The following BMP8A variants were observed in gnomAD, a reference collection of about 807,000 sequenced individuals.
BMP8A encodes bone morphogenetic protein 8a, also known as BMP-8A.
Under a neutral mutation model 36.8 loss-of-function variants are expected in BMP8A, and 14 were observed. The ratio of observed to expected loss-of-function variants is 0.38; its 90% confidence interval spans 0.25 to 0.60. The LOEUF (loss-of-function observed/expected upper bound fraction) is 0.60. Ranked by LOEUF, BMP8A falls within the 20% of genes least tolerant of loss-of-function variation. The pLI, the probability that BMP8A is intolerant of heterozygous loss-of-function variation, is 0.63. For synonymous variants in BMP8A, 120 were observed against 237.7 expected, an observed-to-expected ratio of 0.50 and a Z score of 4.55; for missense variants, 267 against 551.1, an observed-to-expected ratio of 0.48 and a Z score of 5.16.
intron 1 of BMP8A, among the ~76,000 whole-genome samples, chr1:39,499,634 A>G (rs1462213846): frequency 6.6e-6 from 1 of 152,238 alleles, no homozygotes; most frequent in Non-Finnish European, 1.5e-5. Flanking sequence ...TCCTGCCCAC[A>G]GTGGCCTTTC....
At chr1:39,523,176 T>A in intron 6 of BMP8A, 59 bp downstream of exon 6, 1 of 1,583,936 alleles carries the variant, frequency 6.3e-7, no homozygotes, top group Non-Finnish European at 8.7e-7. Flanking sequence ...CAGAGAGGGG[T>A]CTGGTCCAGC....
At position 39,525,511 on chromosome 1, in the gene BMP8A, A is replaced by AATT. The variant is rs1227108907; in HGVS notation, c.1060-137_1060-135dup. The AATT allele has an allele frequency of 1.6e-5, 20 of 1,216,300 alleles. 1 individual carries two copies. Among genetic ancestry groups the AATT allele is most frequent in the African/African-American group, 1.4e-4 (9 of 65,540 alleles). The allele number at this position is 1,216,300 out of a possible 1,614,324, so 75.3% of individuals were successfully genotyped here. A position where few individuals can be genotyped will look rare whatever the true frequency, so the allele number is the denominator to read the frequency against. On this transcript the variant is annotated intron_variant, in intron 6 of 6. Transcript: ENST00000331593. ...CAGGGCTGCTCTTATTCCTGTTAAT[A>AATT]ATTCTTATTATTGTGCTGCTCCCAT...
chr1:39,498,299 G>A (rs993278368), intron 1 of BMP8A, among the ~76,000 whole-genome samples: 2 of 152,192 alleles, frequency 1.3e-5, no homozygotes, highest in African/African-American at 4.8e-5. Context: ...CTTTCCCACA[G>A]GCAAGAGAGG....
chr1:39,499,985 C>T (rs996930283), intron 1 of BMP8A, among the ~76,000 whole-genome samples: 1 of 152,194 alleles, frequency 6.6e-6, no homozygotes, highest in African/African-American at 2.4e-5. Context: ...TCCCAAGTCA[C>T]AGGGCTTCTT....
At chr1:39,513,827 AAG>A (rs1165686242) in intron 3 of BMP8A, among the ~76,000 whole-genome samples, 3 of 149,892 alleles carry the variant, frequency 2.0e-5, no homozygotes, top group Non-Finnish European at 4.5e-5. Context: ...ATGGAGAAGA[AAG>A]AGGGCCTGGC....
chr1:39,503,418 A>G (rs1328360046), intron 1 of BMP8A, among the ~76,000 whole-genome samples: 1 of 151,994 alleles, frequency 6.6e-6, no homozygotes, highest in African/African-American at 2.4e-5. Flanking sequence ...GTGAGCCAAG[A>G]GTTCAAGACC....
rs1276213547 is a variant in BMP8A at position 39,529,771 on chromosome 1, A to C, written c.*3973A>C. On this transcript the variant is annotated 3_prime_UTR_variant, in exon 7 of 7. Transcript: ENST00000331593. Reference sequence around the variant, plus strand: ...TATATGACATATGGATATTTTACAAAGTTAGGATCCTACTCTATGCACTGC... The same window carrying C: ...TATATGACATATGGATATTTTACAACGTTAGGATCCTACTCTATGCACTGC... Among the ~76,000 whole-genome samples, 1 of 152,236 alleles carries C rather than the reference A, an allele frequency of 6.6e-6. No individual in the cohort carries two copies. The highest frequency in any genetic ancestry group is 1.5e-5 in the Non-Finnish European group (1 of 68,044).
intron 1 of BMP8A, among the ~76,000 whole-genome samples, chr1:39,496,567 A>G (rs529210301): frequency 6.6e-6 from 1 of 152,296 alleles, no homozygotes; most frequent in East Asian, 1.9e-4. Context: ...GTGTGAGATG[A>G]TACCCAGCGA....
chr1:39,525,241 TG>T (rs940815174), intron 6 of BMP8A: 4 of 179,080 alleles, frequency 2.2e-5, no homozygotes, highest in Non-Finnish European at 3.5e-5. Flanking sequence ...GCAGAGCCTC[TG>T]GGGGGGTCTG....
chr1:39,493,365 C>T (rs901960974), intron 1 of BMP8A, among the ~76,000 whole-genome samples: 21 of 152,238 alleles, frequency 1.4e-4, no homozygotes, highest in African/African-American at 2.2e-4. Flanking sequence ...AGAGAGGCAG[C>T]GCCATGCCTA....
rs1485398862 is a variant in BMP8A at position 39,510,115 on chromosome 1, G to A, written c.335-1059G>A. On this transcript the variant is annotated intron_variant, in intron 1 of 6. Transcript: ENST00000331593. ...CCCACGCCGCCTCCCTGCTGCCCCC[G>A]TCCCCTGTGCTTCCCACTGGCCAGA... Among the ~76,000 whole-genome samples the A allele has an allele frequency of 3.5e-5, 5 of 144,334 alleles. 1 individual carries two copies. In the South Asian group the frequency reaches 9.9e-4, roughly 29 times the overall value. The allele number at this position is 144,334 out of a possible 152,430, so 94.7% of individuals were successfully genotyped here. A position where few individuals can be genotyped will look rare whatever the true frequency, so the allele number is the denominator to read the frequency against.
chr1:39,498,920 G>A (rs1041848619), intron 1 of BMP8A, among the ~76,000 whole-genome samples: 1 of 152,230 alleles, frequency 6.6e-6, no homozygotes, highest in African/African-American at 2.4e-5. Flanking sequence ...CAGACTGGCA[G>A]TGATACCCAG....
chr1:39,510,658 A>T (rs1645345438), intron 1 of BMP8A, among the ~76,000 whole-genome samples: 1 of 151,714 alleles, frequency 6.6e-6, no homozygotes, highest in South Asian at 2.1e-4. Flanking sequence ...GTCAGCCCTG[A>T]GCCCTCCCCT....
At chr1:39,500,121 G>T (rs1645240802) in intron 1 of BMP8A, among the ~76,000 whole-genome samples, 2 of 152,120 alleles carry the variant, frequency 1.3e-5, no homozygotes, top group South Asian at 4.1e-4. Flanking sequence ...AACCACACCA[G>T]CCTCCTTGAT....
Position 39,518,266 on chromosome 1 carries a change from T to C in BMP8A, c.674-3110T>C, listed in dbSNP as rs1195014364. ...CAAGGACAGACTTTCCAGGGGCCCATTGGAGCCTCACCCTGCAGGAAAGGC... is the reference window on the plus strand; with the variant it reads ...CAAGGACAGACTTTCCAGGGGCCCACTGGAGCCTCACCCTGCAGGAAAGGC... On this transcript the variant is annotated intron_variant, in intron 3 of 6. Coordinates refer to ENST00000331593, the MANE Select transcript of BMP8A (RefSeq NM_181809.4). Among the ~76,000 whole-genome samples, 8 of 145,566 alleles carry C rather than the reference T, an allele frequency of 5.5e-5. No individual in the cohort carries two copies. In the East Asian group the frequency reaches 8.0e-4, roughly 15 times the overall value.
chr1:39,523,557 C>T lies in BMP8A; in HGVS notation c.1059+440C>T, dbSNP rs1645451881. The T allele has an allele frequency of 2.2e-6, 3 of 1,384,958 alleles. No homozygotes were observed. In the East Asian group the frequency reaches 8.7e-5, roughly 40 times the overall value. 85.8% of individuals were successfully genotyped at this position (1,384,958 alleles called of 1,614,324 possible). On this transcript the variant is annotated intron_variant, in intron 6 of 6. Coordinates refer to ENST00000331593, the MANE Select transcript of BMP8A (RefSeq NM_181809.4). Reference sequence around the variant, plus strand: ...TGTGTGGGGTGTGCGTGTGCACTCACCCACCTGTGCCGCACCACAGGCAGG... The same window carrying T: ...TGTGTGGGGTGTGCGTGTGCACTCATCCACCTGTGCCGCACCACAGGCAGG...
In BMP8A at chr1:39,524,756, C is replaced by A. The variant is rs1336489843; in HGVS notation, c.1060-893C>A. On this transcript the variant is annotated intron_variant, in intron 6 of 6. Coordinates refer to ENST00000331593, the MANE Select transcript of BMP8A (RefSeq NM_181809.4). The surrounding 1 kb of genome is among the most constrained non-coding windows in gnomAD (Gnocchi z 4.0). ...TGGTCTGCGTCACCCTCCAGAAGGA[C>A]CTTTCTGGCTTGGGGAGGCTGATGG... The A allele has an allele frequency of 2.0e-5, 3 of 152,446 alleles. No individual in the cohort carries two copies. Among genetic ancestry groups the A allele is most frequent in the African/African-American group, 7.2e-5 (3 of 41,422 alleles). 9.4% of individuals were successfully genotyped at this position (152,446 alleles called of 1,614,324 possible). A position where few individuals can be genotyped will look rare whatever the true frequency, so the allele number is the denominator to read the frequency against.
intron 1 of BMP8A, among the ~76,000 whole-genome samples, chr1:39,508,934 G>C (rs962569765): frequency 1.3e-5 from 2 of 152,234 alleles, no homozygotes; most frequent in African/African-American, 4.8e-5. Flanking sequence ...CCACAGCGCG[G>C]AAGTTTGGAA....
At chr1:39,510,727 C>T (rs1282674072) in intron 1 of BMP8A, among the ~76,000 whole-genome samples, 1 of 152,244 alleles carries the variant, frequency 6.6e-6, no homozygotes, top group Admixed American at 6.5e-5. Context: ...CCCTGAGATG[C>T]CGTCGGTTAT....
Sources: gnomAD v4.1 joint callset for allele counts (sites outside exome capture counted in the v4.1 genomes callset) on GRCh38, gnomAD v4.1.1 for gene constraint, Gnocchi (gnomAD v3.1) non-coding constraint, MANE v1.5 for transcripts, NCBI Gene and HGNC (gene_info 2026-07-23, HGNC 2026-07-21) for gene names.